PRKD1: variants seen among roughly 807,000 people sequenced by gnomAD.
PRKD1 encodes the protein protein kinase D1.
In PRKD1, 63 loss-of-function variants were observed where a neutral mutation model predicts 95.9. That is an observed-to-expected ratio of 0.66 (90% CI 0.54 to 0.81). The LOEUF (loss-of-function observed/expected upper bound fraction) is 0.81, where lower values mean the gene tolerates loss of function less well. PRKD1 is among the 30% of genes least tolerant of loss of function. The pLI, the probability that PRKD1 is intolerant of heterozygous loss-of-function variation, is 0.00. For missense variants in PRKD1, 1,048 were observed against 1,165.3 expected, an observed-to-expected ratio of 0.90 and a Z score of 1.47; for synonymous variants, 425 against 423.1, an observed-to-expected ratio of 1.00 and a Z score of -0.05.
chr14:29,874,656 T>C (rs551681990), intron 1 of PRKD1, among the ~76,000 whole-genome samples: 12 of 152,286 alleles, frequency 7.9e-5, no homozygotes, highest in African/African-American at 1.9e-4. Flanking sequence ...TATTCAGCCA[T>C]ACAGAAAGAA....
At chr14:29,681,030 G>A (rs1883511662) in intron 2 of PRKD1, among the ~76,000 whole-genome samples, 1 of 152,138 alleles carries the variant, frequency 6.6e-6, no homozygotes, top group African/African-American at 2.4e-5. Flanking sequence ...CTTGTAAAAG[G>A]GAGCGAAGGA....
chr14:29,697,344 C>G (rs1884581631), intron 2 of PRKD1, among the ~76,000 whole-genome samples: 1 of 152,112 alleles, frequency 6.6e-6, no homozygotes, highest in Non-Finnish European at 1.5e-5. Context: ...ACCTCTTATA[C>G]TCAGAGAGCA....
In PRKD1 at chr14:29,927,347, C is replaced by CG; in HGVS notation, c.165dup (p.Gly56ArgfsTer5). 1.3e-6 allele frequency: 2 copies of CG among 1,566,882 alleles called. No individual in the cohort carries two copies. Among genetic ancestry groups the CG allele is most frequent in the Non-Finnish European group, 1.7e-6 (2 of 1,158,570 alleles). ...AGCAGCACCGGCTCACGGCTCAGGC[C>CG]GATCTGCAGATGGAACGAGATGCCC... On this transcript the variant is annotated frameshift_variant, in exon 1 of 18. Coordinates refer to ENST00000331968, the MANE Select transcript of PRKD1 (RefSeq NM_002742.3). LOFTEE classifies it high-confidence loss of function.
At chr14:29,796,074 CA>C (rs1889803556) in intron 1 of PRKD1, among the ~76,000 whole-genome samples, 1 of 152,042 alleles carries the variant, frequency 6.6e-6, no homozygotes, top group Non-Finnish European at 1.5e-5. Flanking sequence ...TCTAAACAAG[CA>C]AATGATTTAT....
At chr14:29,808,981 C>T (rs1376664486) in intron 1 of PRKD1, among the ~76,000 whole-genome samples, 1 of 152,196 alleles carries the variant, frequency 6.6e-6, no homozygotes, top group Non-Finnish European at 1.5e-5. Context: ...ATTTCTTAAA[C>T]AATAACACTT....
At chr14:29,725,830 T>C (rs1886114910) in intron 1 of PRKD1, among the ~76,000 whole-genome samples, 156 bp from the exon 2 acceptor site, 1 of 152,076 alleles carries the variant, frequency 6.6e-6, no homozygotes, top group Non-Finnish European at 1.5e-5. Flanking sequence ...AATGGTAGAG[T>C]TGATATTGGG....
At chr14:29,793,121 G>C (rs1889621285) in intron 1 of PRKD1, among the ~76,000 whole-genome samples, 1 of 151,962 alleles carries the variant, frequency 6.6e-6, no homozygotes, top group African/African-American at 2.4e-5. Flanking sequence ...AGCAAAATAT[G>C]CATAAATATA....
chr14:29,842,177 G>A (rs2139318878), intron 1 of PRKD1, among the ~76,000 whole-genome samples: 1 of 152,286 alleles, frequency 6.6e-6, no homozygotes, highest in East Asian at 1.9e-4. Context: ...CCTGCCTGAA[G>A]TTGTTTTGCA....
At chr14:29,910,553 TAAGAG>T (rs1184864028) in intron 1 of PRKD1, among the ~76,000 whole-genome samples, 4 of 152,148 alleles carry the variant, frequency 2.6e-5, no homozygotes, top group Non-Finnish European at 4.4e-5. Flanking sequence ...AATGTAGCCT[TAAGAG>T]AAAGAAAGAT....
At chr14:29,696,228 A>C (rs1302681896) in intron 2 of PRKD1, among the ~76,000 whole-genome samples, 1 of 111,132 alleles carries the variant, frequency 9.0e-6, no homozygotes, top group Non-Finnish European at 1.7e-5. Flanking sequence ...ATCTCCATGA[A>C]ATTATCTAGT....
intron 4 of PRKD1, chr14:29,656,415 T>C: frequency 7.0e-7 from 1 of 1,437,412 alleles, no homozygotes; most frequent in Non-Finnish European, 9.5e-7. Flanking sequence ...GTCAGCGTAA[T>C]ATGCTGGTTT....
chr14:29,920,212 T>C (rs900898444), intron 1 of PRKD1, among the ~76,000 whole-genome samples: 2 of 152,004 alleles, frequency 1.3e-5, no homozygotes, highest in Admixed American at 6.6e-5. Flanking sequence ...ATTCCAACAA[T>C]AAGGAAAGAT....
At chr14:29,896,907 C>T (rs935739531) in intron 1 of PRKD1, among the ~76,000 whole-genome samples, 2 of 151,682 alleles carry the variant, frequency 1.3e-5, no homozygotes, top group Admixed American at 6.6e-5. Flanking sequence ...AGAGTATTAT[C>T]CAATAATGTA....
intron 13 of PRKD1, among the ~76,000 whole-genome samples, chr14:29,612,505 C>T (rs111425042): frequency 0.013 from 2,006 of 152,242 alleles, 21 homozygotes; most frequent in Non-Finnish European, 0.021. Flanking sequence ...TAGACCAAGT[C>T]AGCATGATTT....
chr14:29,624,209 T>C lies in PRKD1; in HGVS notation c.1848A>G (p.Lys616=). The C allele has an allele frequency of 6.2e-6, 10 of 1,605,992 alleles. No individual in the cohort carries two copies. The highest frequency in any genetic ancestry group is 8.5e-6 in the Non-Finnish European group (10 of 1,175,838). Residue 616 remains lysine, a synonymous_variant, in exon 13 of 18, where the codon AAA becomes AAG. Coordinates refer to ENST00000331968, the MANE Select transcript of PRKD1 (RefSeq NM_002742.3). Reference sequence around the variant, plus strand: ...TTTCTTGTTTTGTTGGAAATCGTAATTTGTCAATGATTTTAATAGCTACAT... The same window carrying C: ...TTTCTTGTTTTGTTGGAAATCGTAACTTGTCAATGATTTTAATAGCTACAT... ...GRDVAIKIID[K]LRFPTKQESQ...
At chr14:29,632,034 C>T (rs1880041544) in intron 9 of PRKD1, among the ~76,000 whole-genome samples, 1 of 151,402 alleles carries the variant, frequency 6.6e-6, no homozygotes, top group Non-Finnish European at 1.5e-5. Context: ...CTCCTGACCT[C>T]AAATGATCCA....
intron 4 of PRKD1, among the ~76,000 whole-genome samples, chr14:29,639,391 G>A (rs925462619): frequency 6.6e-6 from 1 of 152,084 alleles, no homozygotes; most frequent in African/African-American, 2.4e-5. Flanking sequence ...AGGCCAAGGC[G>A]GGTGGATCAT....
chr14:29,790,544 C>T (rs1157198733), intron 1 of PRKD1, among the ~76,000 whole-genome samples: 2 of 152,114 alleles, frequency 1.3e-5, no homozygotes, highest in East Asian at 3.9e-4. Context: ...TTTGGCTTAA[C>T]CTATCTACAA....
chr14:29,844,336 A>G (rs1421136239), intron 1 of PRKD1, among the ~76,000 whole-genome samples: 1 of 152,220 alleles, frequency 6.6e-6, no homozygotes, highest in East Asian at 1.9e-4. Context: ...AGCATAAGAA[A>G]TACTCACTAA....
Sources: allele counts gnomAD v4.1 joint callset (sites outside exome capture counted in the v4.1 genomes callset), GRCh38; gene constraint gnomAD v4.1.1; transcripts MANE v1.5; gene names NCBI Gene and HGNC (gene_info 2026-07-23, HGNC 2026-07-21).